Variants in RGS9 observed in about 807,000 individuals in gnomAD.
RGS9 encodes regulator of G-protein signalling 9.
A neutral mutation model predicts 102.0 loss-of-function variants in RGS9; 78 were observed. That is an observed-to-expected ratio of 0.76 (90% CI 0.64 to 0.92). The LOEUF (loss-of-function observed/expected upper bound fraction) is 0.92. RGS9 is among the 40% of genes least tolerant of loss of function. The pLI, the probability that RGS9 is intolerant of heterozygous loss-of-function variation, is 0.00. For missense variants in RGS9, 833 were observed against 866.1 expected (o/e 0.96, Z 0.48); for synonymous variants, 353 against 318.6 (o/e 1.11, Z -1.15).
intron 18 of RGS9, among the ~76,000 whole-genome samples, chr17:65,227,070 C>T (rs921707066): frequency 6.6e-6 from 1 of 152,116 alleles, no homozygotes; most frequent in African/African-American, 2.4e-5. Flanking sequence ...ATATGAATCC[C>T]CAATAAAAAG....
At chr17:65,206,481 C>T (rs1913067888) in intron 15 of RGS9, among the ~76,000 whole-genome samples, 1 of 152,148 alleles carries the variant, frequency 6.6e-6, no homozygotes, top group Non-Finnish European at 1.5e-5. Flanking sequence ...AGTTTGAGAC[C>T]AGCCTGGCCA....
intron 13 of RGS9, 144 bp downstream of exon 13, chr17:65,197,385 C>T: frequency 1.5e-6 from 1 of 683,364 alleles, no homozygotes; most frequent in Non-Finnish European, 2.6e-6. Flanking sequence ...CCTTTCACAG[C>T]TTTAAGAATG....
At chr17:65,181,941 A>G (rs181437886) in intron 9 of RGS9, among the ~76,000 whole-genome samples, 18 of 152,302 alleles carry the variant, frequency 1.2e-4, no homozygotes, top group Non-Finnish European at 1.9e-4. Context: ...GAGAGAATTT[A>G]TGGGACTTGT....
intron 17 of RGS9, among the ~76,000 whole-genome samples, chr17:65,219,835 A>G (rs951317037): frequency 6.6e-6 from 1 of 152,070 alleles, no homozygotes; most frequent in African/African-American, 2.4e-5. Flanking sequence ...TATCACCATT[A>G]TCACCATCAC....
rs1910602328 is a variant in RGS9, at chr17:65,152,139, G to A, written c.58-1283G>A. ...GCAGCTTTAGGAATGGTCAGGGTGG[G>A]CCTCCTGAGACCATCAGAAGGGGAA... On this transcript the variant is annotated intron_variant, in intron 1 of 18. Transcript: ENST00000262406. Among the ~76,000 whole-genome samples the A allele has an allele frequency of 3.3e-5, 5 of 152,214 alleles. No individual in the cohort carries two copies. The South Asian group carries it at 8.3e-4, about 25-fold the overall frequency.
At chr17:65,204,414 C>T (rs1247118920) in intron 15 of RGS9, 113 bp downstream of exon 15, 4 of 1,311,252 alleles carry the variant, frequency 3.1e-6, no homozygotes, top group African/African-American at 2.9e-5. Context: ...TAGAGCTTTG[C>T]CGGTTGTGGC....
At chr17:65,210,965 A>C (rs1234662647) in intron 17 of RGS9, among the ~76,000 whole-genome samples, 1 of 151,972 alleles carries the variant, frequency 6.6e-6, no homozygotes, top group East Asian at 1.9e-4. Context: ...GAACTTTTTC[A>C]GTAAGAGCCA....
chr17:65,151,345 A>G (rs538328685), intron 1 of RGS9, among the ~76,000 whole-genome samples: 1 of 119,402 alleles, frequency 8.4e-6, no homozygotes, highest in African/African-American at 5.0e-5. Flanking sequence ...ACCTGTCCCA[A>G]AAAAAAAAAA....
intron 17 of RGS9, among the ~76,000 whole-genome samples, chr17:65,222,827 C>T (rs934976270): frequency 7.2e-5 from 11 of 152,204 alleles, no homozygotes; most frequent in African/African-American, 2.4e-4. Flanking sequence ...TCGCACCCCC[C>T]TGATATTCTC....
At chr17:65,218,557 T>C (rs934514733) in intron 17 of RGS9, among the ~76,000 whole-genome samples, 14 of 152,246 alleles carry the variant, frequency 9.2e-5, no homozygotes, top group African/African-American at 3.1e-4. Context: ...GGCTTTGACC[T>C]TCAACCTGTC....
intron 18 of RGS9, 94 bp downstream of exon 18, chr17:65,225,580 G>A (rs1905628175): frequency 6.4e-7 from 1 of 1,573,972 alleles, no homozygotes; most frequent in African/African-American, 1.3e-5. Context: ...TGGGGACTGG[G>A]ATGGGTGAGA....
chr17:65,163,504 TTAAAA>T (rs1567866887), intron 7 of RGS9, among the ~76,000 whole-genome samples: 1 of 152,134 alleles, frequency 6.6e-6, no homozygotes, highest in African/African-American at 2.4e-5. Flanking sequence ...TTTCCTTTTA[TTAAAA>T]TAAACTTGTT....
chr17:65,212,997 G>A (rs1016846288), intron 17 of RGS9, among the ~76,000 whole-genome samples: 4 of 152,194 alleles, frequency 2.6e-5, no homozygotes, highest in Non-Finnish European at 5.9e-5. Flanking sequence ...AATGAAAAGA[G>A]CCCTGGATTT....
intron 2 of RGS9, among the ~76,000 whole-genome samples, chr17:65,157,510 C>T (rs1234551927): frequency 6.6e-6 from 1 of 151,706 alleles, no homozygotes; most frequent in Non-Finnish European, 1.5e-5. Flanking sequence ...GACGGGTGTA[C>T]GGGTGCACAT....
intron 13 of RGS9, among the ~76,000 whole-genome samples, chr17:65,198,917 G>T (rs1196370600): frequency 4.6e-5 from 7 of 152,210 alleles, no homozygotes; most frequent in Non-Finnish European, 8.8e-5. Context: ...AAGATGGATG[G>T]ACTGGCGAAT....
At chr17:65,194,882 C>T (rs1356972838) in intron 12 of RGS9, among the ~76,000 whole-genome samples, 1 of 152,184 alleles carries the variant, frequency 6.6e-6, no homozygotes, top group Non-Finnish European at 1.5e-5. Flanking sequence ...GCTGGGTAAG[C>T]AGGCCTGGCC....
rs913831631 is a variant in RGS9, at chr17:65,171,326, G to A, written c.582+3045G>A. 1.4e-4 allele frequency among the ~76,000 whole-genome samples: 22 copies of A among 152,304 alleles called. No homozygotes were observed. The South Asian group carries it at 2.1e-3, about 14-fold the overall frequency. ...TCTTGGCACAGATGACCTCATTGAC[G>A]CCTGATGCTATGATGTAGGGAATAT... On this transcript the variant is annotated intron_variant, in intron 8 of 18. Coordinates refer to ENST00000262406, the MANE Select transcript of RGS9 (RefSeq NM_003835.4).
intron 4 of RGS9, 93 bp from the exon 5 acceptor site, chr17:65,160,443 G>T: frequency 6.4e-7 from 1 of 1,571,866 alleles, no homozygotes; most frequent in Non-Finnish European, 8.8e-7. Context: ...TGGTGGAGGG[G>T]GCCAAGGTGG....
At chr17:65,187,014 T>C (rs1912150775) in intron 9 of RGS9, among the ~76,000 whole-genome samples, 1 of 152,190 alleles carries the variant, frequency 6.6e-6, no homozygotes, top group Admixed American at 6.5e-5. Context: ...CTACCTGAAA[T>C]GTGCATCTTC....
Sources: gnomAD v4.1 joint callset for allele counts (sites outside exome capture counted in the v4.1 genomes callset) on GRCh38, gnomAD v4.1.1 for gene constraint, MANE v1.5 for transcripts, NCBI Gene and HGNC (gene_info 2026-07-23, HGNC 2026-07-21) for gene names.